The following CNTNAP2 variants were observed in gnomAD, a reference collection of about 807,000 sequenced individuals.
The protein encoded by CNTNAP2 is contactin associated protein 2.
Under a neutral mutation model 155.2 loss-of-function variants are expected in CNTNAP2, and 98 were observed. The observed-to-expected ratio is 0.63, with a 90% CI of 0.54 to 0.75. CNTNAP2 has a LOEUF of 0.75. CNTNAP2 is among the 30% of genes least tolerant of loss of function. The pLI, the probability that CNTNAP2 is intolerant of heterozygous loss-of-function variation, is 0.00. For missense variants in CNTNAP2, 1,727 were observed against 1,688.1 expected (o/e 1.02, Z -0.40); for synonymous variants, 651 against 631.2 (o/e 1.03, Z -0.47).
intron 2 of CNTNAP2, among the ~76,000 whole-genome samples, chr7:146,779,206 C>T (rs1259115458): frequency 2.0e-5 from 3 of 152,108 alleles, no homozygotes; most frequent in Non-Finnish European, 4.4e-5. Flanking sequence ...CTAATGGTCA[C>T]CTCCCCCTGT....
At chr7:147,598,735 C>G (rs1800879000) in intron 12 of CNTNAP2, among the ~76,000 whole-genome samples, 3 of 152,144 alleles carry the variant, frequency 2.0e-5, no homozygotes, top group African/African-American at 7.2e-5. Context: ...TTCCCATAAT[C>G]TCCACATGTC....
intron 15 of CNTNAP2, among the ~76,000 whole-genome samples, chr7:148,040,740 C>A (rs1321941385): frequency 1.3e-5 from 2 of 152,122 alleles, no homozygotes; most frequent in African/African-American, 4.8e-5. Context: ...TCAGCACAAA[C>A]AAGAAACTAT....
intron 13 of CNTNAP2, among the ~76,000 whole-genome samples, chr7:147,666,914 C>A (rs1223093205): frequency 1.3e-5 from 2 of 152,172 alleles, no homozygotes; most frequent in Admixed American, 6.5e-5. Flanking sequence ...AGATCTTCTT[C>A]ATTGAAGGCA....
At chr7:147,523,902 G>T (rs947846623) in intron 11 of CNTNAP2, among the ~76,000 whole-genome samples, 1 of 152,110 alleles carries the variant, frequency 6.6e-6, no homozygotes, top group Non-Finnish European at 1.5e-5. Context: ...TCACTCACTT[G>T]CCCCTAATAC....
At chr7:147,793,816 T>C (rs891823221) in intron 13 of CNTNAP2, among the ~76,000 whole-genome samples, 1 of 152,062 alleles carries the variant, frequency 6.6e-6, no homozygotes, top group African/African-American at 2.4e-5. Context: ...TGTGTTTTCA[T>C]TCATTCAGAT....
At chr7:146,416,683 T>C (rs1371116151) in intron 1 of CNTNAP2, among the ~76,000 whole-genome samples, 1 of 152,166 alleles carries the variant, frequency 6.6e-6, no homozygotes, top group Non-Finnish European at 1.5e-5. Context: ...TGGAGCTCTG[T>C]GGTTTTCCTC....
intron 12 of CNTNAP2, 151 bp downstream of exon 12, chr7:147,562,408 A>G: frequency 9.8e-7 from 1 of 1,024,436 alleles, no homozygotes; most frequent in Non-Finnish European, 1.5e-6. Flanking sequence ...AGATGATGAA[A>G]TGTATTATTA....
At chr7:146,295,758 A>G (rs1361999598) in intron 1 of CNTNAP2, among the ~76,000 whole-genome samples, 1 of 151,966 alleles carries the variant, frequency 6.6e-6, no homozygotes, top group Admixed American at 6.6e-5. Context: ...TGAAAGCAGA[A>G]ATAATTGTTA....
chr7:147,545,101 G>C (rs1005898796), intron 11 of CNTNAP2, among the ~76,000 whole-genome samples: 1 of 152,116 alleles, frequency 6.6e-6, no homozygotes, highest in African/African-American at 2.4e-5. Flanking sequence ...TTGTGTTGGT[G>C]TAAAGAGGAA....
intron 22 of CNTNAP2, among the ~76,000 whole-genome samples, chr7:148,390,992 T>C (rs940838434): frequency 1.2e-4 from 18 of 152,318 alleles, no homozygotes; most frequent in African/African-American, 4.1e-4. Flanking sequence ...CAAATAGACA[T>C]GGCCTCGTGT....
chr7:146,495,547 A>C (rs990237628), intron 1 of CNTNAP2, among the ~76,000 whole-genome samples: 2 of 123,294 alleles, frequency 1.6e-5, no homozygotes, highest in Non-Finnish European at 3.4e-5. Flanking sequence ...CACCTCTAAC[A>C]GGTCATTTTT....
intron 1 of CNTNAP2, among the ~76,000 whole-genome samples, chr7:146,423,143 T>G (rs895756942): frequency 1.7e-4 from 26 of 152,172 alleles, no homozygotes; most frequent in Admixed American, 2.0e-4. Flanking sequence ...TTACCTCTTG[T>G]GCAACTTTTC....
intron 1 of CNTNAP2, among the ~76,000 whole-genome samples, chr7:146,461,360 G>T (rs1293958256): frequency 2.6e-5 from 4 of 151,030 alleles, no homozygotes; most frequent in African/African-American, 9.7e-5. Flanking sequence ...AGCCAAGAGA[G>T]CACCACTGCA....
chr7:148,365,095 A>G (rs1041311608), intron 21 of CNTNAP2, among the ~76,000 whole-genome samples: 12 of 152,274 alleles, frequency 7.9e-5, no homozygotes, highest in African/African-American at 2.6e-4. Flanking sequence ...GAGACCAAGA[A>G]CCCACCAGTT....
intron 2 of CNTNAP2, among the ~76,000 whole-genome samples, chr7:146,807,253 G>A (rs1802985013): frequency 6.6e-6 from 1 of 152,076 alleles, no homozygotes; most frequent in African/African-American, 2.4e-5. Context: ...CAGTTTAACT[G>A]TATATTCTCA....
intron 3 of CNTNAP2, among the ~76,000 whole-genome samples, chr7:146,990,251 A>G (rs574811849): frequency 1.6e-4 from 25 of 152,238 alleles, no homozygotes; most frequent in African/African-American, 5.3e-4. Flanking sequence ...CAATCATTCA[A>G]TGAATGAGTT....
At chr7:146,715,353 C>G (rs954667082) in intron 1 of CNTNAP2, among the ~76,000 whole-genome samples, 1 of 152,060 alleles carries the variant, frequency 6.6e-6, no homozygotes. Context: ...ACAAACAAAA[C>G]TCTATGGAGT....
intron 17 of CNTNAP2, among the ~76,000 whole-genome samples, chr7:148,160,870 TTGCCTG>T (rs1252477936): frequency 6.6e-6 from 1 of 152,240 alleles, no homozygotes; most frequent in Non-Finnish European, 1.5e-5. Context: ...AGATAGTTTC[TTGCCTG>T]TGTTTATTCT....
chr7:147,793,878 C>T (rs547076414), intron 13 of CNTNAP2, among the ~76,000 whole-genome samples: 12 of 151,716 alleles, frequency 7.9e-5, no homozygotes, highest in African/African-American at 2.4e-4. Context: ...AGGTTTGTGC[C>T]CTTTTTGCTA....
Sources: allele counts gnomAD v4.1 joint callset (sites outside exome capture counted in the v4.1 genomes callset), GRCh38; gene constraint gnomAD v4.1.1; transcripts MANE v1.5; gene names NCBI Gene and HGNC (gene_info 2026-07-23, HGNC 2026-07-21).